Variants in ACE observed in about 807,000 individuals in gnomAD.
ACE encodes the protein angiotensin-converting enzyme.
Under a neutral mutation model 162.3 loss-of-function variants are expected in ACE, and 122 were observed. The ratio of observed to expected loss-of-function variants is 0.75; its 90% CI spans 0.65 to 0.87. ACE has a LOEUF of 0.87. ACE is among the 40% of genes least tolerant of loss of function. The probability of loss-of-function intolerance (pLI) is 0.00; values close to 1 mark genes in which losing one functional copy is unlikely to be tolerated. For synonymous variants in ACE, 796 were observed against 720.6 expected (o/e 1.10, Z -1.68); for missense variants, 1,799 against 1,735.1 (o/e 1.04, Z -0.65).
At position 63,497,697 on chromosome 17, in the gene ACE, C is replaced by G. The variant is rs1404301504; in HGVS notation, c.*331C>G. On this transcript the variant is annotated 3_prime_UTR_variant, in exon 25 of 25. Coordinates refer to ENST00000290866, the MANE Select transcript of ACE (RefSeq NM_000789.4). ...CCTGCCTCCTGGCAGTCAAGTGGGT[C>G]CCGTTACTAGGTTTGTTCCTCCATC... 16 of 542,488 alleles carry G rather than the reference C, an allele frequency of 2.9e-5. No homozygotes were observed. Among genetic ancestry groups the G allele is most frequent in the South Asian group, 2.6e-4 (14 of 53,026 alleles). The allele number at this position is 542,488 out of a possible 1,614,324, so 33.6% of individuals were successfully genotyped here. A position where few individuals can be genotyped will look rare whatever the true frequency, so the allele number is the denominator to read the frequency against.
At position 63,480,077 on chromosome 17, in the gene ACE, G is replaced by A. The variant is rs1220173947; in HGVS notation, c.655+165G>A. Among the ~76,000 whole-genome samples, 7 of 152,184 alleles carry A rather than the reference G, an allele frequency of 4.6e-5. No individual in the cohort carries two copies. In the South Asian group the frequency reaches 1.4e-3, roughly 31 times the overall value. ...GGACCGGCCTGCACCCAGTGTGCCT[G>A]GACTTTGCTGCTGGCCTGCCCCACG... On this transcript the variant is annotated intron_variant, in intron 4 of 24. Transcript: ENST00000290866.
At chr17:63,490,556 G>C in intron 17 of ACE, 1 of 281,274 alleles carries the variant, frequency 3.6e-6, no homozygotes, top group East Asian at 8.8e-5. Flanking sequence ...GACAGTACCT[G>C]GGTGCAGACA....
intron 22 of ACE, among the ~76,000 whole-genome samples, chr17:63,495,926 C>T (rs1021524529): frequency 1.3e-5 from 2 of 152,228 alleles, no homozygotes; most frequent in African/African-American, 2.4e-5. Context: ...ATCCTCCAGC[C>T]TTGACTGGCA....
Position 63,480,479 on chromosome 17 carries a change from C to T in ACE, c.798C>T (p.Tyr266=), listed in dbSNP as rs121912704. 9.3e-6 allele frequency: 15 copies of T among 1,613,932 alleles called. No individual in the cohort carries two copies. Among genetic ancestry groups the T allele is most frequent in the African/African-American group, 8.0e-5 (6 of 74,920 alleles). ...AFVRRALHRR[Y]GDRYINLRGP... Reference sequence around the variant, plus strand: ...TCCGCCGCGCACTGCATCGCCGATACGGAGACAGATACATCAACCTCAGGG... The same window carrying T: ...TCCGCCGCGCACTGCATCGCCGATATGGAGACAGATACATCAACCTCAGGG... The change falls in exon 5 of 25, where the codon TAC becomes TAT. Residue 266 remains tyrosine, a synonymous_variant. Coordinates refer to ENST00000290866, the MANE Select transcript of ACE (RefSeq NM_000789.4).
intron 1 of ACE, 113 bp from the exon 2 acceptor site, chr17:63,477,818 C>T (rs1332915843): frequency 7.3e-7 from 1 of 1,364,316 alleles, no homozygotes; most frequent in Non-Finnish European, 1.0e-6. Flanking sequence ...CCCCAGGGCC[C>T]GGGCTCTGGA....
intron 21 of ACE, 84 bp downstream of exon 21, chr17:63,494,150 AG>A: frequency 6.4e-7 from 1 of 1,561,342 alleles, no homozygotes; most frequent in Non-Finnish European, 8.8e-7. Context: ...GGGCCAGGGT[AG>A]GGGAGTGTGT....
At chr17:63,478,669 A>AAG (rs371203361) in intron 2 of ACE, 2 of 398,638 alleles carry the variant, frequency 5.0e-6, no homozygotes, top group Non-Finnish European at 4.8e-6. Context: ...CCCCAAAAAA[A>AAG]AGAGAGAGAG....
rs151293350 is a variant in ACE at position 63,489,083 on chromosome 17, C to T, written c.2592C>T (p.Tyr864=). 8.2e-5 allele frequency: 132 copies of T among 1,613,356 alleles called. No individual in the cohort carries two copies. The highest frequency in any genetic ancestry group is 6.6e-4 in the Middle Eastern group (4 of 6,084). Residue 864 remains tyrosine, a synonymous_variant, in exon 17 of 25, where the codon TAC becomes TAT. Transcript: ENST00000290866. The part of the protein sequence containing the change: ...AYVRRALHRH[Y]GAQHINLEGP... Reference sequence around the variant, plus strand: ...TGCGCCGGGCCCTGCACCGTCACTACGGGGCCCAGCACATCAACCTGGAGG... The same window carrying T: ...TGCGCCGGGCCCTGCACCGTCACTATGGGGCCCAGCACATCAACCTGGAGG...
chr17:63,477,746 G>T (rs1474072150), intron 1 of ACE, 185 bp from the exon 2 acceptor site: 1 of 687,992 alleles, frequency 1.5e-6, no homozygotes, highest in Admixed American at 2.9e-5. Context: ...TTCCCATGAG[G>T]CAGATTCCCT....
chr17:63,485,652 T>A, intron 13 of ACE: 1 of 412,262 alleles, frequency 2.4e-6, no homozygotes, highest in Non-Finnish European at 4.7e-6. Context: ...GGCGAGCACC[T>A]GTAGTCCCAG....
chr17:63,493,982 G>A lies in ACE; in HGVS notation c.3197G>A (p.Ser1066Asn). ...ALDKIAFIPF[S>N]YLVDQWRWRV... ...GACAAGATCGCCTTTATCCCCTTCA[G>A]CTACCTCGTCGATCAGTGGCGCTGG... The change falls in exon 21 of 25, where the codon AGC (serine) becomes AAC (asparagine). Residue 1066 changes from serine to asparagine, a missense_variant. Ser to Asn is a conservative substitution (Grantham distance 46). Coordinates refer to ENST00000290866, the MANE Select transcript of ACE (RefSeq NM_000789.4). 6.2e-7 allele frequency: 1 copy of A among 1,614,138 alleles called. No individual in the cohort carries two copies. Among genetic ancestry groups the A allele is most frequent in the Non-Finnish European group, 8.5e-7 (1 of 1,180,028 alleles).
intron 20 of ACE, 46 bp downstream of exon 20, chr17:63,493,705 G>C (rs911561196): frequency 6.2e-6 from 10 of 1,601,762 alleles, no homozygotes; most frequent in Non-Finnish European, 8.5e-6. Flanking sequence ...ACCAAGAAAG[G>C]GTGGTGAGCT....
In ACE at chr17:63,481,610, C is replaced by A. The variant is rs763740829; in HGVS notation, c.990C>A (p.Phe330Leu). The A allele has an allele frequency of 5.6e-6, 9 of 1,614,070 alleles. No homozygotes were observed. In the Admixed American group the frequency reaches 1.2e-4, roughly 21 times the overall value. ...TGTTCCGGGTGGCAGAGGAGTTCTT[C>A]ACCTCCCTGGAGCTCTCCCCCATGC... Reference protein sequence around the residue: ...THMFRVAEEFFTSLELSPMPP... With the variant: ...THMFRVAEEFLTSLELSPMPP... Residue 330 changes from phenylalanine to leucine, a missense_variant, in exon 7 of 25, where the codon TTC (phenylalanine) becomes TTA (leucine). Phe to Leu is a conservative substitution (Grantham distance 22). Coordinates refer to ENST00000290866, the MANE Select transcript of ACE (RefSeq NM_000789.4).
intron 20 of ACE, 43 bp from the exon 21 acceptor site, chr17:63,493,879 G>T: frequency 1.2e-6 from 2 of 1,614,024 alleles, no homozygotes; most frequent in Non-Finnish European, 1.7e-6. Context: ...GGGCCAAGCC[G>T]CTAGGACCCT....
At position 63,496,511 on chromosome 17, in the gene ACE, C is replaced by A. The variant is rs2030742786; in HGVS notation, c.3498C>A (p.Arg1166=). 1 of 1,614,106 alleles carries A rather than the reference C, an allele frequency of 6.2e-7. No homozygotes were observed. The highest frequency in any genetic ancestry group is 8.5e-7 in the Non-Finnish European group (1 of 1,180,044). ...ACCAGTCCAAGGAGGCCGGGCAGCG[C>A]CTGGCGTGAGTGTCCTCCAGCCCTC... is the stretch of plus-strand genomic sequence containing the variant. ...DIYQSKEAGQ[R]LATAMKLGFS... is the part of the protein sequence containing the mutation. Residue 1166 remains arginine (R), a synonymous_variant, in exon 23 of 25, where the codon CGC becomes CGA. Transcript: ENST00000290866.
At chr17:63,493,136 G>A (rs2030491377) in intron 19 of ACE, among the ~76,000 whole-genome samples, 2 of 152,340 alleles carry the variant, frequency 1.3e-5, no homozygotes, top group South Asian at 4.1e-4. Flanking sequence ...ATGTCCCAGT[G>A]CCTCTAGAGC....
intron 13 of ACE, 126 bp from the exon 14 acceptor site, chr17:63,486,430 AG>A: frequency 9.9e-7 from 1 of 1,008,116 alleles, no homozygotes; most frequent in Non-Finnish European, 1.5e-6. Flanking sequence ...TTATAGGCAA[AG>A]GTTGCAACTT....
At position 63,477,112 on chromosome 17, in the gene ACE, C is replaced by G. The variant is rs1242537847; in HGVS notation, c.18C>G (p.Gly6=). The G allele has an allele frequency of 7.5e-7, 1 of 1,325,432 alleles. No homozygotes were observed. Among genetic ancestry groups the G allele is most frequent in the Non-Finnish European group, 9.6e-7 (1 of 1,045,850 alleles). 82.1% of individuals were successfully genotyped at this position (1,325,432 alleles called of 1,614,324 possible). A position where few individuals can be genotyped will look rare whatever the true frequency, so the allele number is the denominator to read the frequency against. The change falls in exon 1 of 25, where the codon GGC becomes GGG. Residue 6 remains glycine (G), a synonymous_variant. Coordinates refer to ENST00000290866, the MANE Select transcript of ACE (RefSeq NM_000789.4). MGAAS[G]RRGPGLLLPL... is the part of the protein sequence containing the mutation. The stretch of plus-strand genomic sequence containing the variant: ...ACCGCGTCATGGGGGCCGCCTCGGG[C>G]CGCCGGGGGCCGGGGCTGCTGCTGC...
In ACE at chr17:63,493,989, C is replaced by T. The variant is rs189373608; in HGVS notation, c.3204C>T (p.Leu1068=). Residue 1068 remains leucine (L), a synonymous_variant, in exon 21 of 25, where the codon CTC becomes CTT. Coordinates refer to ENST00000290866, the MANE Select transcript of ACE (RefSeq NM_000789.4). The part of the protein sequence containing the change: ...DKIAFIPFSY[L]VDQWRWRVFD... ...TCGCCTTTATCCCCTTCAGCTACCTCGTCGATCAGTGGCGCTGGAGGGTAT... is the reference window on the plus strand; with the variant it reads ...TCGCCTTTATCCCCTTCAGCTACCTTGTCGATCAGTGGCGCTGGAGGGTAT... 8 of 1,614,104 alleles carry T rather than the reference C, an allele frequency of 5.0e-6. No homozygotes were observed. Among genetic ancestry groups the T allele is most frequent in the East Asian group, 4.5e-5 (2 of 44,882 alleles).
Sources: allele counts gnomAD v4.1 joint callset (sites outside exome capture counted in the v4.1 genomes callset), GRCh38; gene constraint gnomAD v4.1.1; transcripts MANE v1.5; gene names NCBI Gene and HGNC (gene_info 2026-07-23, HGNC 2026-07-21).